ERAP2: variants seen among roughly 807,000 people sequenced by gnomAD.
ERAP2 encodes the protein endoplasmic reticulum aminopeptidase 2.
ERAP2 carries 118 observed loss-of-function variants against 111.1 expected under a neutral mutation model. That is an observed-to-expected ratio of 1.06 (90% CI 0.92 to 1.24). The LOEUF is 1.24. ERAP2 is among the 50% of genes most tolerant of loss of function. The probability of loss-of-function intolerance (pLI) is 0.00; values close to 1 mark genes in which losing one functional copy is unlikely to be tolerated. For synonymous variants in ERAP2, 410 were observed against 401.2 expected (o/e 1.02, Z -0.26); for missense variants, 1,131 against 1,125.8 (o/e 1.00, Z -0.07).
chr5:96,909,968 C>A, intron 15 of ERAP2: 1 of 495,910 alleles, frequency 2.0e-6, no homozygotes. Context: ...GTAATGGTGT[C>A]CATTATTCCG....
intron 7 of ERAP2, 25 bp downstream of exon 7, chr5:96,895,384 T>G: frequency 7.2e-7 from 1 of 1,391,438 alleles, no homozygotes; most frequent in Non-Finnish European, 1.0e-6. Context: ...CTGTGTATCA[T>G]ACTATATGGT....
chr5:96,900,063 C>A, intron 9 of ERAP2, 58 bp from the exon 10 acceptor site: 1 of 1,594,778 alleles, frequency 6.3e-7, no homozygotes, highest in Admixed American at 1.7e-5. Context: ...GGCTAATGTG[C>A]ACGTTCAGCC....
intron 15 of ERAP2, among the ~76,000 whole-genome samples, chr5:96,910,447 G>A (rs866369004): frequency 6.9e-6 from 1 of 145,610 alleles, no homozygotes; most frequent in African/African-American, 2.5e-5. Flanking sequence ...CCTGAAATCA[G>A]TTTTAGAAAA....
In ERAP2 at chr5:96,876,501, G is replaced by C. The variant is rs1425406091; in HGVS notation, c.-149G>C. 6.6e-6 allele frequency: 1 copy of C among 152,280 alleles called. No homozygotes were observed. The highest frequency in any genetic ancestry group is 1.5e-5 in the Non-Finnish European group (1 of 68,034). 9.4% of individuals were successfully genotyped at this position (152,280 alleles called of 1,614,324 possible). On this transcript the variant is annotated 5_prime_UTR_variant, in exon 1 of 19. Coordinates refer to ENST00000437043, the MANE Select transcript of ERAP2 (RefSeq NM_022350.5). ...GAAAGCAAAAGTAAATTCCCCTTCA[G>C]TCAAATCTGCAGCAGCATGATTTAA...
rs149020522 is a variant in ERAP2 at position 96,911,552 on chromosome 5, G to A, written c.2355-1085G>A. On this transcript the variant is annotated intron_variant, in intron 15 of 18. Coordinates refer to ENST00000437043, the MANE Select transcript of ERAP2 (RefSeq NM_022350.5). Reference sequence around the variant, plus strand: ...ATTGTACCAAATTAAGACTCTCTAGGCCTAGAGAGTCAGATGACTCCCAGA... The same window carrying A: ...ATTGTACCAAATTAAGACTCTCTAGACCTAGAGAGTCAGATGACTCCCAGA... Among the ~76,000 whole-genome samples, 387 of 151,858 alleles carry A rather than the reference G, an allele frequency of 2.5e-3. 1 individual carries two copies. Among genetic ancestry groups the A allele is most frequent in the African/African-American group, 9.0e-3 (374 of 41,412 alleles).
chr5:96,887,090 T>C (rs1393722569), intron 4 of ERAP2, among the ~76,000 whole-genome samples: 12 of 96,362 alleles, frequency 1.2e-4, no homozygotes, highest in Non-Finnish European at 2.3e-4. Context: ...TATATATATA[T>C]ATATATATAT....
At chr5:96,889,389 T>C (rs779877842) in intron 5 of ERAP2, 84 bp downstream of exon 5, 2 of 1,460,240 alleles carry the variant, frequency 1.4e-6, no homozygotes, top group Non-Finnish European at 1.9e-6. Flanking sequence ...TTCTATGTGA[T>C]TTAAATGAGC....
At chr5:96,902,181 T>A in intron 11 of ERAP2, 93 bp from the exon 12 acceptor site, 1 of 821,340 alleles carries the variant, frequency 1.2e-6, no homozygotes, top group Non-Finnish European at 2.1e-6. Context: ...TGATGGGTAC[T>A]TAGGTGCCTT....
intron 2 of ERAP2, 25 bp downstream of exon 2, chr5:96,880,285 C>T (rs1460197329): frequency 6.4e-7 from 1 of 1,571,922 alleles, no homozygotes; most frequent in Non-Finnish European, 8.7e-7. Flanking sequence ...AGGTAATTTA[C>T]ATTCTTTTGT....
intron 5 of ERAP2, among the ~76,000 whole-genome samples, chr5:96,891,541 C>T (rs764377150): frequency 0.19 from 25,411 of 132,536 alleles, 2,749 homozygotes; most frequent in African/African-American, 0.26. Flanking sequence ...TATATACACA[C>T]ACACACACAC....
At chr5:96,905,055 G>A (rs1056916446) in intron 13 of ERAP2, among the ~76,000 whole-genome samples, 7 of 152,088 alleles carry the variant, frequency 4.6e-5, no homozygotes, top group African/African-American at 1.7e-4. Flanking sequence ...GATATACAAG[G>A]TTTGGAGGAT....
At chr5:96,879,200 G>T (rs1183173301) in intron 1 of ERAP2, among the ~76,000 whole-genome samples, 1 of 152,056 alleles carries the variant, frequency 6.6e-6, no homozygotes, top group Non-Finnish European at 1.5e-5. Flanking sequence ...CTCCTGCCTG[G>T]GCAACAGAGC....
At chr5:96,886,898 C>T in intron 4 of ERAP2, 109 bp downstream of exon 4, 1 of 1,061,096 alleles carries the variant, frequency 9.4e-7, no homozygotes, top group Non-Finnish European at 1.2e-6. Context: ...GTTTATATTA[C>T]AAGAAGAGAT....
chr5:96,880,309 C>G, intron 2 of ERAP2, 49 bp downstream of exon 2: 2 of 1,482,222 alleles, frequency 1.3e-6, no homozygotes, highest in Non-Finnish European at 1.8e-6. Context: ...AATTTCCTTA[C>G]GAGTTACATC....
At chr5:96,884,048 A>ATCTG in intron 3 of ERAP2, 118 bp downstream of exon 3, 2 of 537,204 alleles carry the variant, frequency 3.7e-6, no homozygotes, top group Non-Finnish European at 6.5e-6. Context: ...CTATCTATCT[A>ATCTG]TCTATCTATC....
intron 2 of ERAP2, among the ~76,000 whole-genome samples, chr5:96,880,532 G>C (rs148177194): frequency 2.0e-5 from 3 of 152,354 alleles, no homozygotes; most frequent in African/African-American, 7.2e-5. Flanking sequence ...GCTAGGGAAA[G>C]AGATGGTCAG....
intron 9 of ERAP2, among the ~76,000 whole-genome samples, chr5:96,897,249 CTCTCTTA>C (rs1452365411): frequency 6.6e-6 from 1 of 152,220 alleles, no homozygotes; most frequent in African/African-American, 2.4e-5. Flanking sequence ...AACTAATCTT[CTCTCTTA>C]TAAGAAGAAA....
At chr5:96,896,546 G>A (rs74345571) in intron 8 of ERAP2, 42 bp downstream of exon 8, 2 of 1,599,302 alleles carry the variant, frequency 1.3e-6, no homozygotes, top group South Asian at 1.1e-5. Flanking sequence ...GCTTTCAGAA[G>A]TGTAATAATG....
At chr5:96,881,296 C>A in intron 2 of ERAP2, 1 of 404,616 alleles carries the variant, frequency 2.5e-6, no homozygotes. Context: ...AGAAGTGATG[C>A]TAATTTGGGC....
Sources: gnomAD v4.1 joint callset for allele counts (sites outside exome capture counted in the v4.1 genomes callset) on GRCh38, gnomAD v4.1.1 for gene constraint, MANE v1.5 for transcripts, NCBI Gene and HGNC (gene_info 2026-07-23, HGNC 2026-07-21) for gene names.